CCSER1: variants seen among roughly 807,000 people sequenced by gnomAD.
The protein encoded by CCSER1 is serine-rich coiled-coil domain-containing protein 1.
A neutral mutation model predicts 82.0 loss-of-function variants in CCSER1; 41 were observed. That is an observed-to-expected ratio of 0.50 (90% CI 0.39 to 0.65). CCSER1 has a LOEUF of 0.65. CCSER1 is among the 30% of genes least tolerant of loss of function. The pLI is 0.00. For synonymous variants in CCSER1, 414 were observed against 383.9 expected, an observed-to-expected ratio of 1.08 and a Z score of -0.92; for missense variants, 1,119 against 1,064.2, an observed-to-expected ratio of 1.05 and a Z score of -0.72.
chr4:91,565,315 G>C (rs1653890418), intron 10 of CCSER1, among the ~76,000 whole-genome samples: 1 of 152,012 alleles, frequency 6.6e-6, no homozygotes, highest in African/African-American at 2.4e-5. Flanking sequence ...TTGTAGTGTA[G>C]TTTGAAGTCA....
At chr4:91,583,382 A>G (rs545988872) in intron 10 of CCSER1, among the ~76,000 whole-genome samples, 21 of 151,364 alleles carry the variant, frequency 1.4e-4, no homozygotes, top group African/African-American at 5.1e-4. Flanking sequence ...CTTCTTGTCC[A>G]GCATTTATAA....
chr4:91,454,888 G>A (rs931300047), intron 10 of CCSER1, among the ~76,000 whole-genome samples: 4 of 151,512 alleles, frequency 2.6e-5, no homozygotes, highest in Non-Finnish European at 4.4e-5. Flanking sequence ...TTAGCATCTC[G>A]ATTTTGAAAT....
intron 5 of CCSER1, among the ~76,000 whole-genome samples, chr4:90,600,713 T>G (rs2148749834): frequency 6.6e-6 from 1 of 152,080 alleles, no homozygotes; most frequent in South Asian, 2.1e-4. Flanking sequence ...TCCTTTAAAT[T>G]TTTTTTAAAT....
chr4:90,192,588 G>T (rs1578413873), intron 1 of CCSER1, among the ~76,000 whole-genome samples: 1 of 151,954 alleles, frequency 6.6e-6, no homozygotes, highest in East Asian at 1.9e-4. Flanking sequence ...TTTCTTATAT[G>T]ACAAATAGGG....
chr4:91,354,214 G>T (rs1021682663), intron 10 of CCSER1, among the ~76,000 whole-genome samples: 5 of 152,164 alleles, frequency 3.3e-5, no homozygotes, highest in Admixed American at 3.3e-4. Context: ...CTAAGTGGCA[G>T]GTCTATAATA....
intron 9 of CCSER1, among the ~76,000 whole-genome samples, chr4:91,007,089 T>C (rs1490903825): frequency 6.6e-6 from 1 of 152,250 alleles, no homozygotes; most frequent in Non-Finnish European, 1.5e-5. Flanking sequence ...GATTTGCATA[T>C]GTAGAACCAT....
intron 9 of CCSER1, among the ~76,000 whole-genome samples, chr4:91,061,436 G>A (rs1439320407): frequency 6.6e-6 from 1 of 151,944 alleles, no homozygotes; most frequent in Non-Finnish European, 1.5e-5. Flanking sequence ...AGGTTTTTTT[G>A]TCTAGTCATT....
chr4:91,437,666 G>A (rs1754759398), intron 10 of CCSER1, among the ~76,000 whole-genome samples: 1 of 152,222 alleles, frequency 6.6e-6, no homozygotes, highest in African/African-American at 2.4e-5. Context: ...GCCAGCCGAA[G>A]CAGGGCGAGG....
At chr4:91,031,409 A>G (rs1740972729) in intron 9 of CCSER1, among the ~76,000 whole-genome samples, 1 of 152,146 alleles carries the variant, frequency 6.6e-6, no homozygotes, top group Non-Finnish European at 1.5e-5. Context: ...GAAAATAAAC[A>G]TTTAGTTAAT....
intron 9 of CCSER1, among the ~76,000 whole-genome samples, chr4:90,995,110 ATATT>A (rs1227441317): frequency 6.6e-6 from 1 of 152,152 alleles, no homozygotes; most frequent in Non-Finnish European, 1.5e-5. Context: ...AGGTAAATGA[ATATT>A]TATTATATCC....
intron 9 of CCSER1, among the ~76,000 whole-genome samples, chr4:91,052,821 T>A (rs1743122748): frequency 6.6e-6 from 1 of 152,156 alleles, no homozygotes; most frequent in South Asian, 2.1e-4. Flanking sequence ...ATTATTTTGA[T>A]AGGTAAGTCT....
intron 4 of CCSER1, among the ~76,000 whole-genome samples, chr4:90,454,374 A>C (rs1313863382): frequency 6.6e-6 from 1 of 151,998 alleles, no homozygotes; most frequent in East Asian, 1.9e-4. Context: ...CCGAGTAATA[A>C]ACTTATCCTT....
At chr4:90,694,615 T>C (rs1380432518) in intron 6 of CCSER1, among the ~76,000 whole-genome samples, 1 of 145,246 alleles carries the variant, frequency 6.9e-6, no homozygotes, top group African/African-American at 2.7e-5. Flanking sequence ...ATGGAAAATG[T>C]TTTCGTGTTT....
At chr4:90,179,536 A>G (rs1383454231) in intron 1 of CCSER1, among the ~76,000 whole-genome samples, 1 of 152,140 alleles carries the variant, frequency 6.6e-6, no homozygotes, top group Non-Finnish European at 1.5e-5. Flanking sequence ...GTGCACCACC[A>G]TGCCCAGCTA....
At position 91,598,822 on chromosome 4, in the gene CCSER1, C is replaced by T; in HGVS notation, c.2468C>T (p.Ala823Val). ...TCAGACGTTACACAGAACTTACGGG[C>T]CACCGTTGGGCAGAGCTCTCTGAAG... ...LTSDVTQNLRATVGQSSLKPT... is the reference protein window; with the variant it reads ...LTSDVTQNLRVTVGQSSLKPT... The change falls in exon 11 of 11, where the codon GCC becomes GTC. Residue 823 changes from alanine to valine, a missense_variant. Ala to Val is a moderately conservative substitution (Grantham distance 64). Transcript: ENST00000509176. The T allele has an allele frequency of 6.4e-7, 1 of 1,551,614 alleles. No homozygotes were observed. Among genetic ancestry groups the T allele is most frequent in the Non-Finnish European group, 8.7e-7 (1 of 1,146,922 alleles).
intron 10 of CCSER1, among the ~76,000 whole-genome samples, chr4:91,458,001 G>A (rs976246719): frequency 6.6e-6 from 1 of 152,090 alleles, no homozygotes; most frequent in Non-Finnish European, 1.5e-5. Context: ...GCTTTATATA[G>A]TTATGTATAT....
intron 1 of CCSER1, among the ~76,000 whole-genome samples, chr4:90,227,955 C>A (rs190759703): frequency 0.023 from 3,531 of 152,330 alleles, 52 homozygotes; most frequent in South Asian, 0.055. Context: ...TATCCCGCAC[C>A]TGGCTCGGAG....
At chr4:90,153,424 T>C (rs570047417) in intron 1 of CCSER1, among the ~76,000 whole-genome samples, 1 of 152,132 alleles carries the variant, frequency 6.6e-6, no homozygotes, top group Non-Finnish European at 1.5e-5. Flanking sequence ...CTGGGTCAAA[T>C]GGTATTTCTA....
chr4:91,541,677 A>G (rs988654151), intron 10 of CCSER1, among the ~76,000 whole-genome samples: 1 of 152,124 alleles, frequency 6.6e-6, no homozygotes, highest in Admixed American at 6.6e-5. Flanking sequence ...GAATAGTGCC[A>G]CAATAAACAT....
Sources: gnomAD v4.1 joint callset for allele counts (sites outside exome capture counted in the v4.1 genomes callset) on GRCh38, gnomAD v4.1.1 for gene constraint, MANE v1.5 for transcripts, NCBI Gene and HGNC (gene_info 2026-07-23, HGNC 2026-07-21) for gene names.